The following TFEC variants were observed in gnomAD, a reference collection of about 807,000 sequenced individuals.
The protein encoded by TFEC is class E basic helix-loop-helix protein 34.
Under a neutral mutation model 41.6 loss-of-function variants are expected in TFEC, and 31 were observed. The observed-to-expected ratio is 0.74, with a 90% confidence interval of 0.56 to 1.01. TFEC has a LOEUF of 1.01. Among genes scored for constraint, TFEC ranks in the 50% least tolerant of loss-of-function variants. TFEC has a pLI of 0.00. For missense variants in TFEC, 402 were observed against 404.1 expected, an observed-to-expected ratio of 0.99 and a Z score of 0.04; for synonymous variants, 143 against 140.6, an observed-to-expected ratio of 1.02 and a Z score of -0.12.
At chr7:115,995,451 C>G (rs142311269) in intron 1 of TFEC, among the ~76,000 whole-genome samples, 1 of 151,812 alleles carries the variant, frequency 6.6e-6, no homozygotes, top group Non-Finnish European at 1.5e-5. Flanking sequence ...AAATTAATGA[C>G]AGCAATTATA....
rs370739740 is a variant in TFEC, at chr7:115,959,120, A to G, written c.268-2327T>C. Among the ~76,000 whole-genome samples the G allele has an allele frequency of 1.2e-3, 180 of 151,964 alleles. No homozygotes were observed. In the Middle Eastern group the frequency reaches 0.014, roughly 11 times the overall value. On this transcript the variant is annotated intron_variant, in intron 3 of 7. Coordinates refer to ENST00000265440, the MANE Select transcript of TFEC (RefSeq NM_012252.4). ...TTTATGAAGAAATATTTATTATGAT[A>G]TTTTTAAAAGGTTGCTTTCTCAGTA...
intron 1 of TFEC, among the ~76,000 whole-genome samples, chr7:115,996,209 T>A (rs1794360946): frequency 6.6e-6 from 1 of 151,976 alleles, no homozygotes; most frequent in Non-Finnish European, 1.5e-5. Flanking sequence ...AGGGAAAGAA[T>A]AAGGAAGACT....
chr7:115,968,778 C>T (rs543483938), intron 3 of TFEC, among the ~76,000 whole-genome samples: 67 of 151,908 alleles, frequency 4.4e-4, no homozygotes, highest in South Asian at 8.3e-4. Flanking sequence ...AAGATAGTTG[C>T]ACTGGTTTCA....
At chr7:115,989,441 C>T (rs1238497625) in intron 1 of TFEC, among the ~76,000 whole-genome samples, 3 of 152,110 alleles carry the variant, frequency 2.0e-5, no homozygotes, top group Non-Finnish European at 4.4e-5. Context: ...CAAAGAAGGG[C>T]GGGGCATCGC....
intron 1 of TFEC, among the ~76,000 whole-genome samples, chr7:116,128,415 A>G (rs1798259275): frequency 6.6e-6 from 1 of 152,290 alleles, no homozygotes; most frequent in African/African-American, 2.4e-5. Context: ...TACACATACA[A>G]TAACTAAAAG....
chr7:116,065,532 G>A (rs1156254996), intron 3 of TFEC, among the ~76,000 whole-genome samples: 1 of 152,108 alleles, frequency 6.6e-6, no homozygotes, highest in South Asian at 2.1e-4. Flanking sequence ...TTTGAACTGG[G>A]AAGTCAGTTG....
chr7:116,116,739 G>A lies in TFEC; in HGVS notation c.-68-4701C>T, dbSNP rs1797997894. Among the ~76,000 whole-genome samples, 6 of 151,804 alleles carry A rather than the reference G, an allele frequency of 4.0e-5. No homozygotes were observed. In the South Asian group the frequency reaches 6.2e-4, roughly 16 times the overall value. On this transcript the variant is annotated intron_variant, in intron 1 of 8. Transcript: ENST00000484212. ...TGTCCCCAAAATGTACAGAATTTCT[G>A]GCTGATTCTCATTGAAGGGTCTACT...
intron 1 of TFEC, among the ~76,000 whole-genome samples, chr7:116,119,418 C>G (rs1487379060): frequency 6.6e-6 from 1 of 151,400 alleles, no homozygotes; most frequent in Non-Finnish European, 1.5e-5. Context: ...GTAAATGATA[C>G]AAATAACTAC....
intron 1 of TFEC, among the ~76,000 whole-genome samples, chr7:115,990,472 C>G (rs536213248): frequency 4.6e-5 from 7 of 152,206 alleles, no homozygotes; most frequent in African/African-American, 1.7e-4. Flanking sequence ...CACAAAATAG[C>G]TAAAAACCTT....
At chr7:115,942,152 ACT>A (rs1260391064) in intron 6 of TFEC, 112 bp from the exon 7 acceptor site, 11 of 1,096,230 alleles carry the variant, frequency 1.0e-5, no homozygotes, top group Non-Finnish European at 3.7e-6. Context: ...ACTATTATTC[ACT>A]CTTAGATATT....
At chr7:115,945,800 C>A (rs1334157390) in intron 6 of TFEC, among the ~76,000 whole-genome samples, 1 of 151,614 alleles carries the variant, frequency 6.6e-6, no homozygotes, top group Non-Finnish European at 1.5e-5. Flanking sequence ...TATTCTAGAC[C>A]AAGGGTAGAC....
chr7:116,087,215 C>T (rs1441442826), intron 3 of TFEC, among the ~76,000 whole-genome samples: 1 of 151,894 alleles, frequency 6.6e-6, no homozygotes, highest in Non-Finnish European at 1.5e-5. Context: ...GCTTAAAATA[C>T]ATTTATTTGG....
intron 1 of TFEC, among the ~76,000 whole-genome samples, chr7:116,152,661 G>A (rs1465743989): frequency 1.3e-5 from 2 of 152,128 alleles, no homozygotes; most frequent in South Asian, 2.1e-4. Flanking sequence ...ACTCAGAATC[G>A]TATTGCCTTA....
At chr7:116,062,155 G>A (rs571797495) in intron 3 of TFEC, among the ~76,000 whole-genome samples, 1 of 143,472 alleles carries the variant, frequency 7.0e-6, no homozygotes, top group East Asian at 2.2e-4. Context: ...CCACCTCCCA[G>A]GTTCAAGTGA....
intron 3 of TFEC, among the ~76,000 whole-genome samples, chr7:115,959,687 G>A (rs1054154613): frequency 6.6e-6 from 1 of 150,968 alleles, no homozygotes; most frequent in Non-Finnish European, 1.5e-5. Context: ...ATGAGAAATA[G>A]AATGCTTAGA....
intron 3 of TFEC, among the ~76,000 whole-genome samples, chr7:116,041,960 C>T (rs569355722): frequency 1.5e-4 from 23 of 152,096 alleles, no homozygotes; most frequent in Non-Finnish European, 2.2e-4. Flanking sequence ...TGTTCACCTT[C>T]TGCTGACAAT....
chr7:116,124,979 T>G (rs1798181208), intron 1 of TFEC, among the ~76,000 whole-genome samples: 1 of 152,194 alleles, frequency 6.6e-6, no homozygotes, highest in Admixed American at 6.5e-5. Context: ...GTAATTAATT[T>G]TTAAGAAACT....
At chr7:115,981,164 G>T (rs1389776974) in intron 2 of TFEC, among the ~76,000 whole-genome samples, 2 of 151,708 alleles carry the variant, frequency 1.3e-5, no homozygotes, top group Non-Finnish European at 2.9e-5. Flanking sequence ...TCACTTATTT[G>T]TACCAAATTG....
At chr7:116,113,688 C>A (rs547558500) in intron 1 of TFEC, among the ~76,000 whole-genome samples, 67 of 152,126 alleles carry the variant, frequency 4.4e-4, no homozygotes, top group African/African-American at 1.3e-3. Context: ...AATGCGTTCA[C>A]TGATAAAATA....
Sources: allele counts gnomAD v4.1 joint callset (sites outside exome capture counted in the v4.1 genomes callset), GRCh38; gene constraint gnomAD v4.1.1; transcripts MANE v1.5; gene names NCBI Gene and HGNC (gene_info 2026-07-23, HGNC 2026-07-21).